Variants in HECW2 observed in about 807,000 individuals in gnomAD.
The protein encoded by HECW2 is HECT, C2 and WW domain containing E3 ubiquitin protein ligase 2.
A neutral mutation model predicts 175.2 loss-of-function variants in HECW2; 61 were observed. The ratio of observed to expected loss-of-function variants is 0.35; its 90% CI spans 0.28 to 0.43. The LOEUF is 0.43. Among genes scored for constraint, HECW2 ranks in the 20% least tolerant of loss-of-function variants. The pLI is 1.00. For missense variants in HECW2, 1,524 were observed against 2,000.5 expected (o/e 0.76, Z 4.54); for synonymous variants, 671 against 731.0 (o/e 0.92, Z 1.32).
At chr2:196,584,644 C>T (rs1690912504) in intron 1 of HECW2, among the ~76,000 whole-genome samples, 1 of 151,772 alleles carries the variant, frequency 6.6e-6, no homozygotes. Context: ...TGCTGCTTAG[C>T]ATCCCCAGTT....
Position 196,318,949 on chromosome 2 carries a change from C to G in HECW2, c.1941G>C (p.Glu647Asp), listed in dbSNP as rs763321207. The part of the protein sequence containing the change: ...DLECADSSCN[E>D]SVTTQLSSVD... Reference sequence around the variant, plus strand: ...CAGAGGACAGCTGCGTGGTCACACTCTCATTGCAGGAGCTGTCAGCGCATT... The same window carrying G: ...CAGAGGACAGCTGCGTGGTCACACTGTCATTGCAGGAGCTGTCAGCGCATT... Residue 647 changes from glutamate (E) to aspartate (D), a missense_variant, in exon 9 of 29, where the codon GAG (glutamate) becomes GAC (aspartate). By Grantham distance (45) the Glu-to-Asp change is conservative (BLOSUM62 2). This residue lies in a region of HECW2 where 604 missense variants were observed against 588.3 expected (regional missense o/e 1.03). Transcript: ENST00000644978. 2 of 1,609,644 alleles carry G rather than the reference C, an allele frequency of 1.2e-6. No individual in the cohort carries two copies. The highest frequency in any genetic ancestry group is 1.1e-5 in the South Asian group (1 of 90,122).
intron 21 of HECW2, among the ~76,000 whole-genome samples, chr2:196,231,712 G>C (rs980790181): frequency 2.0e-4 from 30 of 152,348 alleles, no homozygotes; most frequent in African/African-American, 7.2e-4. Flanking sequence ...CTTATGGGCG[G>C]GGGCAGTGGC....
intron 3 of HECW2, among the ~76,000 whole-genome samples, chr2:196,336,296 G>A (rs1692547270): frequency 1.3e-5 from 2 of 152,194 alleles, no homozygotes; most frequent in South Asian, 4.1e-4. Context: ...TCTCCCACTT[G>A]CTTTTTTCCA....
At chr2:196,581,983 G>A (rs1690802191) in intron 1 of HECW2, among the ~76,000 whole-genome samples, 1 of 151,806 alleles carries the variant, frequency 6.6e-6, no homozygotes, top group South Asian at 2.1e-4. Context: ...AGAGAATGAT[G>A]TGAACCCAGG....
At chr2:196,389,224 C>T (rs1694436837) in intron 2 of HECW2, among the ~76,000 whole-genome samples, 1 of 152,140 alleles carries the variant, frequency 6.6e-6, no homozygotes, top group South Asian at 2.1e-4. Context: ...GAATATTTAG[C>T]ACATGAAATT....
intron 28 of HECW2, among the ~76,000 whole-genome samples, chr2:196,214,814 A>C (rs1460056543): frequency 1.3e-5 from 2 of 152,216 alleles, no homozygotes; most frequent in Non-Finnish European, 2.9e-5. Flanking sequence ...TGCTAAGAAG[A>C]AAGCTTTGAT....
At chr2:196,271,041 T>A in intron 17 of HECW2, 152 bp downstream of exon 17, 2 of 593,462 alleles carry the variant, frequency 3.4e-6, no homozygotes, top group African/African-American at 1.9e-5. Context: ...AGCACTACAA[T>A]ACCTGGTGAT....
chr2:196,235,335 C>A (rs368294746), intron 21 of HECW2, among the ~76,000 whole-genome samples: 1 of 151,612 alleles, frequency 6.6e-6, no homozygotes, highest in South Asian at 2.1e-4. Flanking sequence ...CTCCTGACCT[C>A]GTGATCTGCC....
At position 196,222,323 on chromosome 2, in the gene HECW2, T is replaced by A; in HGVS notation, c.4034A>T (p.Asp1345Val). The change falls in exon 24 of 29, where the codon GAC (aspartate) becomes GTC (valine). Residue 1345 changes from aspartate to valine, a missense_variant. Asp to Val is a radical substitution (Grantham distance 152). Coordinates refer to ENST00000644978, the MANE Select transcript of HECW2 (RefSeq NM_001348768.2). ...GAACTCTTCATCAAGGTATTCTAGGTCACTCAGGTCACATAGACTAAGATG... is the reference window on the plus strand; with the variant it reads ...GAACTCTTCATCAAGGTATTCTAGGACACTCAGGTCACATAGACTAAGATG... ...ALLRILCDLSDLEYLDEEFHQ... is the reference protein window; with the variant it reads ...ALLRILCDLSVLEYLDEEFHQ... The A allele has an allele frequency of 6.2e-7, 1 of 1,613,600 alleles. No individual in the cohort carries two copies. The highest frequency in any genetic ancestry group is 8.5e-7 in the Non-Finnish European group (1 of 1,179,770).
chr2:196,374,044 A>G (rs1377235716), intron 2 of HECW2, among the ~76,000 whole-genome samples: 4,290 of 141,266 alleles, frequency 0.03, 226 homozygotes, highest in African/African-American at 0.12. Flanking sequence ...AAAAAATAAA[A>G]TAAAATAAAT....
At chr2:196,223,149 C>G (rs1575246350) in intron 23 of HECW2, among the ~76,000 whole-genome samples, 1 of 152,194 alleles carries the variant, frequency 6.6e-6, no homozygotes, top group African/African-American at 2.4e-5. Flanking sequence ...TGAATAGTCA[C>G]TACCCCCAGG....
intron 5 of HECW2, among the ~76,000 whole-genome samples, chr2:196,328,964 CA>C (rs537862556): frequency 1.3e-5 from 2 of 151,022 alleles, no homozygotes; most frequent in African/African-American, 4.8e-5. Context: ...ATGCTTTACC[CA>C]AAAAAAATCC....
intron 2 of HECW2, among the ~76,000 whole-genome samples, chr2:196,347,401 G>A (rs553258903): frequency 6.6e-6 from 1 of 152,138 alleles, no homozygotes; most frequent in African/African-American, 2.4e-5. Flanking sequence ...AAATAGAGAT[G>A]AGGTTTCACC....
chr2:196,283,076 T>C (rs1690246494), intron 14 of HECW2, among the ~76,000 whole-genome samples: 2 of 151,706 alleles, frequency 1.3e-5, no homozygotes, highest in Admixed American at 6.6e-5. Context: ...CTGGCTAACA[T>C]GATGAAACCT....
At chr2:196,449,197 T>A (rs1327258934) in intron 1 of HECW2, among the ~76,000 whole-genome samples, 2 of 147,756 alleles carry the variant, frequency 1.4e-5, no homozygotes, top group African/African-American at 2.6e-5. Context: ...CCCACCCCAG[T>A]ACATTATGCA....
At chr2:196,419,503 C>G (rs1291760054) in intron 2 of HECW2, among the ~76,000 whole-genome samples, 2 of 152,176 alleles carry the variant, frequency 1.3e-5, no homozygotes, top group Admixed American at 6.5e-5. Flanking sequence ...CTTTCTATAC[C>G]CTTCCCATCT....
At chr2:196,439,301 G>A (rs1695972338) in intron 1 of HECW2, among the ~76,000 whole-genome samples, 1 of 152,136 alleles carries the variant, frequency 6.6e-6, no homozygotes, top group Non-Finnish European at 1.5e-5. Context: ...ACCAGGATTT[G>A]GAAGACAGTG....
intron 1 of HECW2, among the ~76,000 whole-genome samples, chr2:196,497,874 C>T (rs1022735145): frequency 1.3e-5 from 2 of 152,198 alleles, no homozygotes; most frequent in Non-Finnish European, 2.9e-5. Flanking sequence ...TTCTGGGTTT[C>T]CCCACTCAGT....
intron 25 of HECW2, among the ~76,000 whole-genome samples, chr2:196,220,426 GA>G (rs1559443974): frequency 6.6e-6 from 1 of 152,154 alleles, no homozygotes. Context: ...TGTTTCTACA[GA>G]AAAAGTCACA....
Sources: gnomAD v4.1 joint callset for allele counts (sites outside exome capture counted in the v4.1 genomes callset) on GRCh38, gnomAD v4.1.1 for gene constraint, gnomAD v4.1.1 regional missense constraint, MANE v1.5 for transcripts, NCBI Gene and HGNC (gene_info 2026-07-23, HGNC 2026-07-21) for gene names.